Variants in GRM8 observed in about 807,000 individuals in gnomAD.
The protein encoded by GRM8 is glutamate metabotropic receptor 8, also known as metabotropic glutamate receptor 8.
Under a neutral mutation model 87.2 loss-of-function variants are expected in GRM8, and 47 were observed. The observed-to-expected ratio is 0.54, with a 90% CI of 0.43 to 0.69. The LOEUF (loss-of-function observed/expected upper bound fraction) is 0.69. Ranked by LOEUF, GRM8 falls within the 30% of genes least tolerant of loss-of-function variation. GRM8 has a pLI of 0.00. For missense variants in GRM8, 1,019 were observed against 1,139.2 expected (o/e 0.89, Z 1.52); for synonymous variants, 396 against 404.5 (o/e 0.98, Z 0.25).
intron 7 of GRM8, among the ~76,000 whole-genome samples, chr7:126,661,048 T>C (rs1052351508): frequency 6.6e-6 from 1 of 152,132 alleles, no homozygotes; most frequent in Admixed American, 6.5e-5. Context: ...GGATGGTTAA[T>C]GGGTTAAAAA....
At chr7:127,145,231 C>A (rs1177585711) in intron 2 of GRM8, among the ~76,000 whole-genome samples, 1 of 152,002 alleles carries the variant, frequency 6.6e-6, no homozygotes, top group Non-Finnish European at 1.5e-5. Flanking sequence ...CATGGTAAGC[C>A]CAAACTAATC....
At chr7:126,555,632 C>T (rs73224956) in intron 8 of GRM8, among the ~76,000 whole-genome samples, 4,984 of 152,174 alleles carry the variant, frequency 0.033, 111 homozygotes, top group Middle Eastern at 0.051. Flanking sequence ...CAATTTATTA[C>T]GAGGGTTTCT....
intron 2 of GRM8, among the ~76,000 whole-genome samples, chr7:127,134,759 A>G (rs1034506548): frequency 3.3e-5 from 5 of 152,194 alleles, no homozygotes; most frequent in African/African-American, 1.2e-4. Flanking sequence ...AGATCTTAAC[A>G]TAAAATGTAG....
intron 6 of GRM8, among the ~76,000 whole-genome samples, chr7:126,788,835 T>G (rs1219471440): frequency 6.6e-6 from 1 of 151,808 alleles, no homozygotes; most frequent in Non-Finnish European, 1.5e-5. Context: ...AGGTCCATTG[T>G]TTTGTCTTCA....
At chr7:126,650,818 C>T (rs953771204) in intron 7 of GRM8, among the ~76,000 whole-genome samples, 9 of 151,962 alleles carry the variant, frequency 5.9e-5, no homozygotes, top group East Asian at 1.9e-4. Context: ...CAGCCACCCC[C>T]GTCATCACCC....
At chr7:126,665,901 C>T (rs186633279) in intron 7 of GRM8, among the ~76,000 whole-genome samples, 4 of 151,976 alleles carry the variant, frequency 2.6e-5, no homozygotes, top group Admixed American at 6.6e-5. Flanking sequence ...ATCTGAGGAA[C>T]AGATTATCAA....
intron 8 of GRM8, among the ~76,000 whole-genome samples, chr7:126,569,280 A>C (rs1794499102): frequency 6.6e-6 from 1 of 152,094 alleles, no homozygotes; most frequent in East Asian, 1.9e-4. Flanking sequence ...ATGTTTCTCT[A>C]ATTTGTTCCT....
intron 3 of GRM8, among the ~76,000 whole-genome samples, chr7:127,081,847 T>C (rs893472561): frequency 2.6e-5 from 4 of 152,030 alleles, no homozygotes; most frequent in African/African-American, 9.7e-5. Context: ...GAGAGAAGCA[T>C]GGGAGAAGGA....
chr7:127,083,005 G>A (rs925737044), intron 3 of GRM8, among the ~76,000 whole-genome samples: 6 of 152,062 alleles, frequency 3.9e-5, no homozygotes, highest in African/African-American at 1.4e-4. Context: ...TCTTGCTCAG[G>A]GAAGGTCAAA....
chr7:126,852,114 T>C (rs1043881274), intron 6 of GRM8, among the ~76,000 whole-genome samples: 1 of 152,104 alleles, frequency 6.6e-6, no homozygotes, highest in Non-Finnish European at 1.5e-5. Flanking sequence ...TCCGATCTCA[T>C]TCGTGGATGG....
chr7:126,826,417 T>C (rs2130297853), intron 6 of GRM8, among the ~76,000 whole-genome samples: 1 of 152,312 alleles, frequency 6.6e-6, no homozygotes, highest in South Asian at 2.1e-4. Context: ...CCATTCTAAC[T>C]GGTGTGAGAT....
chr7:126,638,784 T>C (rs1040934986), intron 7 of GRM8, among the ~76,000 whole-genome samples: 3 of 152,216 alleles, frequency 2.0e-5, no homozygotes, highest in Admixed American at 1.3e-4. Context: ...CATCCCAGTC[T>C]AGACACCCTG....
intron 7 of GRM8, among the ~76,000 whole-genome samples, chr7:126,684,329 C>T (rs73720737): frequency 0.016 from 2,506 of 152,114 alleles, 49 homozygotes; most frequent in African/African-American, 0.046. Flanking sequence ...ATTATCACAC[C>T]CGGCTCCCAG....
At chr7:127,079,762 G>T (rs1298766238) in intron 3 of GRM8, among the ~76,000 whole-genome samples, 1 of 152,150 alleles carries the variant, frequency 6.6e-6, no homozygotes, top group Admixed American at 6.5e-5. Flanking sequence ...AGCCCAACTG[G>T]TGAATCTCAG....
chr7:126,477,635 G>GA, intron 9 of GRM8, among the ~76,000 whole-genome samples: 1 of 131,186 alleles, frequency 7.6e-6, no homozygotes, highest in Non-Finnish European at 1.6e-5. Flanking sequence ...AAGAAAGAAA[G>GA]AAAAAACGAA....
chr7:127,021,037 T>A (rs1816212636), intron 3 of GRM8, among the ~76,000 whole-genome samples: 1 of 152,076 alleles, frequency 6.6e-6, no homozygotes, highest in Admixed American at 6.6e-5. Flanking sequence ...TTCTTTCAAC[T>A]TTAGTTTTAA....
intron 3 of GRM8, among the ~76,000 whole-genome samples, chr7:127,098,179 C>T (rs1824864826): frequency 6.6e-6 from 1 of 152,164 alleles, no homozygotes. Context: ...TGATTTGTAA[C>T]TCAAAATGTG....
intron 7 of GRM8, among the ~76,000 whole-genome samples, chr7:126,717,087 G>C (rs1476665087): frequency 6.6e-6 from 1 of 152,162 alleles, no homozygotes; most frequent in Non-Finnish European, 1.5e-5. Context: ...AAAATGACTT[G>C]GGACCATCTT....
At chr7:126,625,850 A>G (rs1457086701) in intron 7 of GRM8, among the ~76,000 whole-genome samples, 1 of 152,186 alleles carries the variant, frequency 6.6e-6, no homozygotes, top group Non-Finnish European at 1.5e-5. Context: ...ATTAGGCAAG[A>G]TTAGGTAATA....
Sources: gnomAD v4.1 joint callset for allele counts (sites outside exome capture counted in the v4.1 genomes callset) on GRCh38, gnomAD v4.1.1 for gene constraint, MANE v1.5 for transcripts, NCBI Gene and HGNC (gene_info 2026-07-23, HGNC 2026-07-21) for gene names.